Variants in BLTP1 observed in about 807,000 individuals in gnomAD.
BLTP1 encodes bridge-like lipid transfer protein family member 1.
the BLTP1 span, chr4:122,243,216 G>T: frequency 1.1e-6 from 1 of 945,994 alleles, no homozygotes. Context: ...CTCTGCCATG[G>T]CTTTGGCTAC....
chr4:122,347,322 GTT>G, the BLTP1 span: 1 of 889,286 alleles, frequency 1.1e-6, no homozygotes, highest in Non-Finnish European at 1.3e-6. Context: ...CAGAGGTCCT[GTT>G]TTGCTCTTTT....
chr4:122,341,667 A>C, the BLTP1 span: 1 of 979,132 alleles, frequency 1.0e-6, no homozygotes, highest in South Asian at 4.7e-5. Flanking sequence ...AATGATGATA[A>C]GAATATATAG....
At chr4:122,192,308 A>T in the BLTP1 span, 1 of 1,613,664 alleles carries the variant, frequency 6.2e-7, no homozygotes, top group African/African-American at 1.3e-5. Context: ...ACTTGCCTCC[A>T]TGTTGGGGAC....
the BLTP1 span, chr4:122,200,874 C>G: frequency 7.6e-7 from 1 of 1,321,200 alleles, no homozygotes; most frequent in Non-Finnish European, 1.0e-6. Flanking sequence ...ATTAAAGTCT[C>G]AAAGGGACCT....
At chr4:122,279,698 G>A in the BLTP1 span, 1 of 1,458,954 alleles carries the variant, frequency 6.9e-7, no homozygotes. Context: ...TATTTTTCTT[G>A]CTCTCAATAT....
At chr4:122,324,937 G>C in the BLTP1 span, among the ~76,000 whole-genome samples, 2 of 151,828 alleles carry the variant, frequency 1.3e-5, no homozygotes, top group South Asian at 4.1e-4. Flanking sequence ...TTTAGCATAT[G>C]AAAAAATGGA....
the BLTP1 span, chr4:122,333,710 C>T: frequency 6.2e-7 from 1 of 1,612,070 alleles, no homozygotes; most frequent in Non-Finnish European, 8.5e-7. Context: ...ATGCTTCTAC[C>T]ACCCATTTAA....
At chr4:122,221,077 T>C in the BLTP1 span, 1 of 980,422 alleles carries the variant, frequency 1.0e-6, no homozygotes, top group Non-Finnish European at 1.2e-6. Context: ...TGTCTTACTT[T>C]TAATCAAGTT....
the BLTP1 span, chr4:122,201,870 G>A: frequency 1.2e-5 from 12 of 984,802 alleles, no homozygotes; most frequent in Non-Finnish European, 1.4e-5. Flanking sequence ...TTTTATACAA[G>A]CGTCTCATCG....
the BLTP1 span, among the ~76,000 whole-genome samples, chr4:122,191,971 A>G: frequency 1.3e-5 from 2 of 152,118 alleles, no homozygotes; most frequent in African/African-American, 4.8e-5. Flanking sequence ...TACATGTTAT[A>G]TTTAATTACA....
the BLTP1 span, among the ~76,000 whole-genome samples, chr4:122,174,853 T>C: frequency 1.3e-5 from 2 of 152,110 alleles, no homozygotes; most frequent in African/African-American, 4.8e-5. Context: ...AATATAAAAA[T>C]AGCTGTTTAT....
At chr4:122,231,863 G>C in the BLTP1 span, 2 of 954,212 alleles carry the variant, frequency 2.1e-6, no homozygotes, top group Non-Finnish European at 2.5e-6. Context: ...AAGAAAATCT[G>C]TTGAGATTTT....
the BLTP1 span, chr4:122,203,843 AGTT>A: frequency 1.9e-6 from 1 of 529,268 alleles, no homozygotes; most frequent in Non-Finnish European, 2.4e-6. Flanking sequence ...ATTTCACATG[AGTT>A]GTTAAAGAAT....
At chr4:122,355,458 A>G in the BLTP1 span, among the ~76,000 whole-genome samples, 5 of 151,678 alleles carry the variant, frequency 3.3e-5, no homozygotes, top group East Asian at 5.8e-4. Flanking sequence ...TTAAAATCCC[A>G]GAAACCAAAG....
At chr4:122,227,206 A>T in the BLTP1 span, 1 of 996,980 alleles carries the variant, frequency 1.0e-6, no homozygotes, top group Non-Finnish European at 1.2e-6. Context: ...TGGTTTGCAG[A>T]CCACTCTGGA....
chr4:122,174,551 C>T, the BLTP1 span: 1 of 1,603,340 alleles, frequency 6.2e-7, no homozygotes. Flanking sequence ...ACATTAACTG[C>T]TGTTTTTTCC....
the BLTP1 span, chr4:122,353,729 G>T: frequency 6.9e-7 from 1 of 1,444,934 alleles, no homozygotes. The surrounding 1 kb of genome is among the most constrained non-coding windows in gnomAD (Gnocchi z 4.3). Flanking sequence ...TATGACAACT[G>T]AATTTATAGC....
the BLTP1 span, chr4:122,187,546 G>A: frequency 2.5e-6 from 4 of 1,576,986 alleles, no homozygotes; most frequent in South Asian, 4.8e-5. Context: ...CTGTTTCATG[G>A]GGTAGTAATG....
At chr4:122,336,522 A>G in the BLTP1 span, 1 of 509,252 alleles carries the variant, frequency 2.0e-6, no homozygotes, top group Non-Finnish European at 2.5e-6. Flanking sequence ...TCATTTACAA[A>G]TGAAGAAACT....
Sources: allele counts gnomAD v4.1 joint callset (sites outside exome capture counted in the v4.1 genomes callset), GRCh38; gene constraint gnomAD v4.1.1; non-coding constraint Gnocchi (gnomAD v3.1); transcripts MANE v1.5; gene names NCBI Gene and HGNC (gene_info 2026-07-23, HGNC 2026-07-21).